RBAK: variants seen among roughly 807,000 people sequenced by gnomAD.
RBAK encodes the protein RB associated KRAB zinc finger.
In RBAK, 39 loss-of-function variants were observed where a neutral mutation model predicts 65.8. The observed-to-expected ratio is 0.59, with a 90% CI of 0.46 to 0.77. The LOEUF is 0.77. RBAK is among the 30% of genes least tolerant of loss of function. The probability of loss-of-function intolerance (pLI) is 0.00; values close to 1 mark genes in which losing one functional copy is unlikely to be tolerated. For synonymous variants in RBAK, 343 were observed against 289.7 expected (o/e 1.18, Z -1.87); for missense variants, 884 against 855.1 (o/e 1.03, Z -0.42).
chr7:5,052,450 C>G (rs1456776422), intron 2 of RBAK, among the ~76,000 whole-genome samples: 3 of 152,010 alleles, frequency 2.0e-5, no homozygotes, highest in Admixed American at 1.3e-4. Context: ...GTTTGTCTTC[C>G]TTCCTCTTGA....
rs1218788045 is a variant in RBAK, at chr7:5,067,060, TAA to T, written c.*1461_*1462del. ...ATTGAAAGGGACTTACTTAACTGCA[TAA>T]AGAGACTTAAACTACAACAAACAAT... On this transcript the variant is annotated 3_prime_UTR_variant, in exon 5 of 5. Transcript: ENST00000396912. 1 of 152,146 alleles carries T rather than the reference TAA, an allele frequency of 6.6e-6. No individual in the cohort carries two copies. The highest frequency in any genetic ancestry group is 6.6e-5 in the Admixed American group (1 of 15,264). 9.4% of individuals were successfully genotyped at this position (152,146 alleles called of 1,614,324 possible).
At chr7:5,046,788 G>T (rs1390365313) in intron 1 of RBAK, among the ~76,000 whole-genome samples, 2 of 152,154 alleles carry the variant, frequency 1.3e-5, no homozygotes, top group African/African-American at 4.8e-5. Flanking sequence ...TGCAGGAACA[G>T]TCTGCAGGGA....
chr7:5,064,940 A>C lies in RBAK; in HGVS notation c.1484A>C (p.Gln495Pro). The C allele has an allele frequency of 1.2e-6, 2 of 1,614,114 alleles. No individual in the cohort carries two copies. The highest frequency in any genetic ancestry group is 1.1e-5 in the South Asian group (1 of 91,076). ...TGTAGTGAATGTGGAAAGTTCTCTCAGTTGTATCTCACCGACCATCATACA... is the reference window on the plus strand; with the variant it reads ...TGTAGTGAATGTGGAAAGTTCTCTCCGTTGTATCTCACCGACCATCATACA... ...HECSECGKFSQLYLTDHHTAH... is the reference protein window; with the variant it reads ...HECSECGKFSPLYLTDHHTAH... Residue 495 changes from glutamine to proline, a missense_variant, in exon 5 of 5, where the codon CAG becomes CCG. Physicochemically the swap from Gln to Pro is moderately conservative, Grantham distance 76 (BLOSUM62 -1). Coordinates refer to ENST00000396912, the MANE Select transcript of RBAK (RefSeq NM_021163.4). The surrounding 1 kb of genome is among the most constrained non-coding windows in gnomAD (Gnocchi z 6.3).
chr7:5,051,085 G>A (rs1236828604), intron 2 of RBAK, among the ~76,000 whole-genome samples: 1 of 152,028 alleles, frequency 6.6e-6, no homozygotes, highest in Non-Finnish European at 1.5e-5. Flanking sequence ...TCTTTGGCCA[G>A]ACAAAATCCC....
At position 5,068,656 on chromosome 7, in the gene RBAK, TA is replaced by T; in HGVS notation, c.*3059del. 6.6e-6 allele frequency: 1 copy of T among 152,342 alleles called. No homozygotes were observed. Among genetic ancestry groups the T allele is most frequent in the East Asian group, 1.9e-4 (1 of 5,190 alleles). 9.4% of individuals were successfully genotyped at this position (152,342 alleles called of 1,614,324 possible). A position where few individuals can be genotyped will look rare whatever the true frequency, so the allele number is the denominator to read the frequency against. ...ATAAAACCATTTTGAAAGCTGGCAC[TA>T]AAAGCCAAGCATATGTATACTGTTT... is the stretch of plus-strand genomic sequence containing the variant. On this transcript the variant is annotated 3_prime_UTR_variant, in exon 5 of 5. Transcript: ENST00000396912.
intron 4 of RBAK, among the ~76,000 whole-genome samples, chr7:5,062,980 CT>C (rs1461879756): frequency 2.7e-4 from 41 of 152,252 alleles, no homozygotes; most frequent in African/African-American, 9.1e-4. Context: ...CACACGTGCT[CT>C]ACAATTTGTG....
intron 4 of RBAK, among the ~76,000 whole-genome samples, chr7:5,061,357 A>G (rs1434586577): frequency 6.6e-6 from 1 of 152,162 alleles, no homozygotes; most frequent in Non-Finnish European, 1.5e-5. Flanking sequence ...CAGGGAAAGC[A>G]GAATTTAATG....
At chr7:5,052,920 C>T (rs566195678) in intron 2 of RBAK, among the ~76,000 whole-genome samples, 9 of 152,174 alleles carry the variant, frequency 5.9e-5, no homozygotes, top group South Asian at 2.1e-4. Context: ...CCACCACACC[C>T]GGCTAATTTT....
At position 5,063,969 on chromosome 7, in the gene RBAK, A is replaced by G. The variant is rs1390162455; in HGVS notation, c.513A>G (p.Thr171=). 5 of 1,613,778 alleles carry G rather than the reference A, an allele frequency of 3.1e-6. No homozygotes were observed. The highest frequency in any genetic ancestry group is 2.7e-5 in the African/African-American group (2 of 75,004). The change falls in exon 5 of 5, where the codon ACA becomes ACG. Residue 171 remains threonine, a synonymous_variant. Coordinates refer to ENST00000396912, the MANE Select transcript of RBAK (RefSeq NM_021163.4). ...ATGAGTGTAATGAATGTGGGAAAAC[A>G]TATCATGGAGAGAAAATGTGTGAAT... ...KPDECNECGK[T]YHGEKMCEFN...
At chr7:5,050,027 T>A (rs982191771) in intron 2 of RBAK, among the ~76,000 whole-genome samples, 3 of 152,144 alleles carry the variant, frequency 2.0e-5, no homozygotes, top group African/African-American at 7.2e-5. Flanking sequence ...CCTAGAGATG[T>A]ATTCCCACTG....
Position 5,046,392 on chromosome 7 carries a change from G to C in RBAK, c.-49G>C, listed in dbSNP as rs1393812247. On this transcript the variant is annotated 5_prime_UTR_variant, in exon 1 of 5. Coordinates refer to ENST00000396912, the MANE Select transcript of RBAK (RefSeq NM_021163.4). ...GTGGGGCAGAGGCTGCGGAGCCCCA[G>C]AAGGGTAGGTCTTGGGTTTTCGGGC... 7.8e-6 allele frequency: 4 copies of C among 515,874 alleles called. No homozygotes were observed. The highest frequency in any genetic ancestry group is 1.5e-5 in the Non-Finnish European group (4 of 259,244). The allele number at this position is 515,874 out of a possible 1,614,324, so 32.0% of individuals were successfully genotyped here.
rs1286426638 is a variant in RBAK at position 5,067,874 on chromosome 7, G to C, written c.*2273G>C. The C allele has an allele frequency of 1.3e-5, 2 of 152,280 alleles. No individual in the cohort carries two copies. Among genetic ancestry groups the C allele is most frequent in the Non-Finnish European group, 2.9e-5 (2 of 68,008 alleles). The allele number at this position is 152,280 out of a possible 1,614,324, so 9.4% of individuals were successfully genotyped here. On this transcript the variant is annotated 3_prime_UTR_variant, in exon 5 of 5. Coordinates refer to ENST00000396912, the MANE Select transcript of RBAK (RefSeq NM_021163.4). ...AAATGTACTTTGCCAATAAAATTTT[G>C]TAATTTGATAAAAAGTTATTTGGAG...
At chr7:5,052,297 CA>C (rs1342017597) in intron 2 of RBAK, among the ~76,000 whole-genome samples, 1 of 152,166 alleles carries the variant, frequency 6.6e-6, no homozygotes, top group Non-Finnish European at 1.5e-5. Context: ...TGCTTGTTTT[CA>C]TCAGTCTATT....
At chr7:5,049,667 T>A (rs1218584973) in intron 2 of RBAK, among the ~76,000 whole-genome samples, 5 of 152,208 alleles carry the variant, frequency 3.3e-5, no homozygotes, top group Admixed American at 2.0e-4. Flanking sequence ...GATTCGTCTG[T>A]AAGTATTTCT....
At position 5,057,134 on chromosome 7, in the gene RBAK, C is replaced by T. The variant is rs367945944; in HGVS notation, c.16-161C>T. Reference sequence around the variant, plus strand: ...ATATTTTATATATTATGTATTATAACCCCAAAGGATATGTGTTTCCAATAT... The same window carrying T: ...ATATTTTATATATTATGTATTATAATCCCAAAGGATATGTGTTTCCAATAT... On this transcript the variant is annotated intron_variant, in intron 2 of 4. Coordinates refer to ENST00000396912, the MANE Select transcript of RBAK (RefSeq NM_021163.4). 7 of 709,698 alleles carry T rather than the reference C, an allele frequency of 9.9e-6. 1 individual carries two copies. In the South Asian group the frequency reaches 1.7e-4, roughly 17 times the overall value. The allele number at this position is 709,698 out of a possible 1,614,324, so 44.0% of individuals were successfully genotyped here. A position where few individuals can be genotyped will look rare whatever the true frequency, so the allele number is the denominator to read the frequency against.
In RBAK at chr7:5,068,531, A is replaced by G. The variant is rs1779276617; in HGVS notation, c.*2930A>G. On this transcript the variant is annotated 3_prime_UTR_variant, in exon 5 of 5. Coordinates refer to ENST00000396912, the MANE Select transcript of RBAK (RefSeq NM_021163.4). ...CTTAAAACATGTAGCACTGCTACCC[A>G]TCCATGGAAATGGTTAAAATGAAAA... 1 of 152,238 alleles carries G rather than the reference A, an allele frequency of 6.6e-6. No homozygotes were observed. Among genetic ancestry groups the G allele is most frequent in the Non-Finnish European group, 1.5e-5 (1 of 68,040 alleles). 9.4% of individuals were successfully genotyped at this position (152,238 alleles called of 1,614,324 possible).
At chr7:5,055,934 C>G (rs1200480302) in intron 2 of RBAK, among the ~76,000 whole-genome samples, 1 of 151,854 alleles carries the variant, frequency 6.6e-6, no homozygotes, top group Non-Finnish European at 1.5e-5. Flanking sequence ...GATTTGAACC[C>G]CTTGTTGATA....
At chr7:5,055,303 CTGTA>C (rs1362197217) in intron 2 of RBAK, among the ~76,000 whole-genome samples, 2 of 151,080 alleles carry the variant, frequency 1.3e-5, no homozygotes, top group East Asian at 3.9e-4. Flanking sequence ...TACACACAAA[CTGTA>C]TATATATGTG....
chr7:5,048,728 A>G lies in RBAK; in HGVS notation c.15+637A>G, dbSNP rs1788049289. ...AGACTGGGTCATTTATAAAGAAAAG[A>G]GGTTTAATTGGCTCACGCCTGCAGG... On this transcript the variant is annotated intron_variant, in intron 2 of 4. Transcript: ENST00000396912. The surrounding 1 kb of genome is among the most constrained non-coding windows in gnomAD (Gnocchi z 4.4). Among the ~76,000 whole-genome samples the G allele has an allele frequency of 6.6e-6, 1 of 152,190 alleles. No individual in the cohort carries two copies. The highest frequency in any genetic ancestry group is 6.5e-5 in the Admixed American group (1 of 15,278).
Sources: allele counts gnomAD v4.1 joint callset (sites outside exome capture counted in the v4.1 genomes callset), GRCh38; gene constraint gnomAD v4.1.1; non-coding constraint Gnocchi (gnomAD v3.1); transcripts MANE v1.5; gene names NCBI Gene and HGNC (gene_info 2026-07-23, HGNC 2026-07-21).